TCF12: variants seen among roughly 807,000 people sequenced by gnomAD.
TCF12 encodes transcription factor 12, also known as DNA-binding protein HTF4.
TCF12 carries 45 observed loss-of-function variants against 86.0 expected under a neutral mutation model. The observed-to-expected ratio is 0.52, with a 90% confidence interval of 0.41 to 0.67. The LOEUF (loss-of-function observed/expected upper bound fraction) is 0.67, where lower values mean the gene tolerates loss of function less well. Among genes scored for constraint, TCF12 ranks in the 30% least tolerant of loss-of-function variants. The pLI is 0.00. For synonymous variants in TCF12, 330 were observed against 299.6 expected (o/e 1.10, Z -1.05); for missense variants, 881 against 859.9 (o/e 1.02, Z -0.31).
At chr15:56,966,531 G>A (rs1006242007) in intron 3 of TCF12, among the ~76,000 whole-genome samples, 3 of 152,146 alleles carry the variant, frequency 2.0e-5, no homozygotes, top group Non-Finnish European at 4.4e-5. Context: ...GGAGAAGAAT[G>A]CATGAGCTTT....
intron 6 of TCF12, among the ~76,000 whole-genome samples, chr15:57,169,086 C>G (rs1428722500): frequency 3.9e-5 from 6 of 152,072 alleles, no homozygotes; most frequent in Non-Finnish European, 8.8e-5. Context: ...TAAGTTACAT[C>G]ATTTGGACAA....
chr15:57,257,556 G>A (rs2060401738), intron 16 of TCF12, among the ~76,000 whole-genome samples: 1 of 151,974 alleles, frequency 6.6e-6, no homozygotes, highest in African/African-American at 2.4e-5. Context: ...AGCTACTCAG[G>A]AGGCTGAGGC....
At chr15:57,251,850 T>G (rs1050393806) in intron 14 of TCF12, among the ~76,000 whole-genome samples, 2 of 152,242 alleles carry the variant, frequency 1.3e-5, no homozygotes, top group African/African-American at 4.8e-5. Context: ...TTAAAAATTT[T>G]AAGTGAATAC....
chr15:57,134,910 T>C (rs1377305129), intron 5 of TCF12, among the ~76,000 whole-genome samples: 1 of 151,642 alleles, frequency 6.6e-6, no homozygotes, highest in Non-Finnish European at 1.5e-5. Flanking sequence ...TGAATAGCTG[T>C]GCACCCCCAC....
At chr15:57,115,023 C>T (rs556018539) in intron 5 of TCF12, among the ~76,000 whole-genome samples, 58 of 152,094 alleles carry the variant, frequency 3.8e-4, no homozygotes, top group African/African-American at 1.4e-3. Context: ...AAACAATTCT[C>T]AAACAATTAA....
chr15:57,225,246 T>TTTTTTTTTTTTTTTTTTTTTTTTTTG (rs1566943537), intron 8 of TCF12, among the ~76,000 whole-genome samples: 1 of 135,162 alleles, frequency 7.4e-6, no homozygotes, highest in African/African-American at 2.9e-5. Flanking sequence ...TTTTTTTTTT[T>TTTTTTTTTTTTTTTTTTTTTTTTTTG]TTTTTAAGAC....
intron 3 of TCF12, among the ~76,000 whole-genome samples, chr15:56,958,928 A>G (rs577759061): frequency 3.3e-4 from 50 of 152,322 alleles, no homozygotes; most frequent in African/African-American, 1.1e-3. Flanking sequence ...TATACTACTT[A>G]TCTAGTGGAT....
rs2049353279 is a variant in TCF12 at position 57,096,762 on chromosome 15, G to A, written c.325+4871G>A. Among the ~76,000 whole-genome samples, 3 of 152,114 alleles carry A rather than the reference G, an allele frequency of 2.0e-5. No individual in the cohort carries two copies. The South Asian group carries it at 6.2e-4, about 31-fold the overall frequency. ...CAAATTGTGGTTGATTGATTTCACA[G>A]ATGTGGAACCCACAGATAGAGGGCA... On this transcript the variant is annotated intron_variant, in intron 5 of 20. Coordinates refer to ENST00000333725, the MANE Select transcript of TCF12 (RefSeq NM_207037.2).
At chr15:57,048,770 T>A (rs1453478904) in intron 3 of TCF12, among the ~76,000 whole-genome samples, 2 of 152,156 alleles carry the variant, frequency 1.3e-5, no homozygotes, top group Non-Finnish European at 2.9e-5. Context: ...AGAATGTGAG[T>A]AAAACATGAA....
intron 3 of TCF12, among the ~76,000 whole-genome samples, chr15:57,001,086 G>A (rs1286129762): frequency 1.4e-5 from 2 of 144,478 alleles, no homozygotes; most frequent in African/African-American, 2.6e-5. Context: ...GCGCGATCTC[G>A]GCTCACTGCA....
chr15:57,044,116 A>T (rs2067073656), intron 3 of TCF12, among the ~76,000 whole-genome samples: 1 of 152,222 alleles, frequency 6.6e-6, no homozygotes, highest in Non-Finnish European at 1.5e-5. Flanking sequence ...AAGTGAAATA[A>T]ACAAGGATAA....
rs1412236409 is a variant in TCF12 at position 57,007,841 on chromosome 15, T to A, written c.149-55909T>A. Among the ~76,000 whole-genome samples, 4 of 134,388 alleles carry A rather than the reference T, an allele frequency of 3.0e-5. No homozygotes were observed. The South Asian group carries it at 1.1e-3, about 36-fold the overall frequency. The allele number at this position is 134,388 out of a possible 152,430, so 88.2% of individuals were successfully genotyped here. On this transcript the variant is annotated intron_variant, in intron 3 of 20. Coordinates refer to ENST00000333725, the MANE Select transcript of TCF12 (RefSeq NM_207037.2). The stretch of plus-strand genomic sequence containing the variant: ...TTCTTTTTCTTTCTTTCTTTCTTTC[T>A]CTCTTTCCCTCCCTTCCTTCCTTCC...
Position 57,262,154 on chromosome 15 carries a change from A to G in TCF12, c.1528A>G (p.Thr510Ala). The G allele has an allele frequency of 6.2e-7, 1 of 1,613,780 alleles. No individual in the cohort carries two copies. Among genetic ancestry groups the G allele is most frequent in the South Asian group, 1.1e-5 (1 of 91,052 alleles). ...LNGNHSVLSS[T>A]VTTSSTDLNH... ...TGGCAATCATTCAGTCCTGTCTAGTACAGTCACTACTTCAAGCACAGACCT... is the reference window on the plus strand; with the variant it reads ...TGGCAATCATTCAGTCCTGTCTAGTGCAGTCACTACTTCAAGCACAGACCT... The change falls in exon 17 of 21, where the codon ACA becomes GCA. Residue 510 changes from threonine (T) to alanine (A), a missense_variant. Coordinates refer to ENST00000333725, the MANE Select transcript of TCF12 (RefSeq NM_207037.2).
intron 5 of TCF12, among the ~76,000 whole-genome samples, chr15:57,099,590 A>G (rs1437850723): frequency 3.3e-5 from 5 of 152,198 alleles, no homozygotes; most frequent in African/African-American, 1.2e-4. Context: ...CAGAAAATTT[A>G]TATGGTAATA....
At chr15:57,146,021 GGAGT>G (rs2053336011) in intron 5 of TCF12, among the ~76,000 whole-genome samples, 1 of 152,066 alleles carries the variant, frequency 6.6e-6, no homozygotes, top group Non-Finnish European at 1.5e-5. Flanking sequence ...CACTTTGAGT[GGAGT>G]TAAAAAACAT....
At chr15:57,008,759 A>G (rs1218595849) in intron 3 of TCF12, among the ~76,000 whole-genome samples, 2 of 152,182 alleles carry the variant, frequency 1.3e-5, no homozygotes, top group African/African-American at 4.8e-5. Context: ...CATTGCGTCA[A>G]AATCTTTATT....
chr15:56,952,184 G>GTA (rs151264562), intron 3 of TCF12, among the ~76,000 whole-genome samples: 12,219 of 40,698 alleles, frequency 0.3, 838 homozygotes, highest in Admixed American at 0.49. Flanking sequence ...GCTTTTTTGT[G>GTA]TATATACACA....
At chr15:57,100,995 C>T (rs1178850956) in intron 5 of TCF12, among the ~76,000 whole-genome samples, 1 of 152,026 alleles carries the variant, frequency 6.6e-6, no homozygotes, top group Non-Finnish European at 1.5e-5. Context: ...TTATGTGAGG[C>T]CCCATAAAAC....
At chr15:57,086,720 A>T (rs2048658864) in intron 4 of TCF12, among the ~76,000 whole-genome samples, 1 of 151,382 alleles carries the variant, frequency 6.6e-6, no homozygotes, top group South Asian at 2.1e-4. Context: ...AAAAAAAAAA[A>T]AAAAAGGCCA....
Sources: gnomAD v4.1 joint callset for allele counts (sites outside exome capture counted in the v4.1 genomes callset) on GRCh38, gnomAD v4.1.1 for gene constraint, MANE v1.5 for transcripts, NCBI Gene and HGNC (gene_info 2026-07-23, HGNC 2026-07-21) for gene names.